Variants in ELOVL6 observed in about 807,000 individuals in gnomAD.
ELOVL6 encodes the protein very long chain fatty acid elongase 6.
Under a neutral mutation model 31.7 loss-of-function variants are expected in ELOVL6, and 8 were observed. The observed-to-expected ratio is 0.25, with a 90% CI of 0.15 to 0.45. The LOEUF is 0.45. Ranked by LOEUF, ELOVL6 falls within the 20% of genes least tolerant of loss-of-function variation. The probability of loss-of-function intolerance (pLI) is 1.00; values close to 1 mark genes in which losing one functional copy is unlikely to be tolerated. For missense variants in ELOVL6, 126 were observed against 326.4 expected (o/e 0.39, Z 4.73); for synonymous variants, 101 against 117.7 (o/e 0.86, Z 0.92).
chr4:110,084,120 A>ATATATCATATATATC (rs1491405140), intron 2 of ELOVL6, among the ~76,000 whole-genome samples: 6 of 83,128 alleles, frequency 7.2e-5, no homozygotes, highest in Admixed American at 1.5e-4. Flanking sequence ...TGATATATAT[A>ATATATCATATATATC]ACATATATGT....
rs1168880044 is a variant in ELOVL6 at position 110,084,588 on chromosome 4, A to AT, written c.221+20908dup. ...GATATATATATATATATATATATAT[A>AT]TTTTTTTTTTTTTTTTTTTTTTTTG... On this transcript the variant is annotated intron_variant, in intron 2 of 3. Coordinates refer to ENST00000302274, the MANE Select transcript of ELOVL6 (RefSeq NM_024090.3). Among the ~76,000 whole-genome samples, 270 of 29,652 alleles carry AT rather than the reference A, an allele frequency of 9.1e-3. 10 individuals are homozygous for AT. The highest frequency in any genetic ancestry group is 0.011 in the Non-Finnish European group (214 of 18,990). 19.5% of individuals were successfully genotyped at this position (29,652 alleles called of 152,430 possible).
intron 1 of ELOVL6, among the ~76,000 whole-genome samples, chr4:110,135,118 G>A (rs539812620): frequency 1.3e-5 from 2 of 152,252 alleles, no homozygotes; most frequent in African/African-American, 4.8e-5. Flanking sequence ...TGTATAACTG[G>A]TTGACGATAA....
chr4:110,101,366 T>C (rs1419934469), intron 2 of ELOVL6, among the ~76,000 whole-genome samples: 1 of 151,860 alleles, frequency 6.6e-6, no homozygotes, highest in Non-Finnish European at 1.5e-5. Flanking sequence ...GATGAATGTT[T>C]TATATCAACT....
chr4:110,089,726 TTTC>T (rs1314088664), intron 2 of ELOVL6, among the ~76,000 whole-genome samples: 12 of 152,158 alleles, frequency 7.9e-5, no homozygotes, highest in African/African-American at 2.9e-4. Context: ...TGGGCCAACT[TTTC>T]TTCTTGTCAA....
At chr4:110,167,252 A>G (rs141516640) in intron 1 of ELOVL6, among the ~76,000 whole-genome samples, 171 of 152,362 alleles carry the variant, frequency 1.1e-3, no homozygotes, top group African/African-American at 3.7e-3. Context: ...AATCGCTATT[A>G]GAGTATTTTT....
chr4:110,131,030 A>C (rs927178875), intron 1 of ELOVL6, among the ~76,000 whole-genome samples: 1 of 152,174 alleles, frequency 6.6e-6, no homozygotes, highest in African/African-American at 2.4e-5. Context: ...AATATAAGAG[A>C]ATTTTTTACA....
chr4:110,058,292 G>A (rs559847865), intron 3 of ELOVL6, among the ~76,000 whole-genome samples: 24 of 152,324 alleles, frequency 1.6e-4, no homozygotes, highest in African/African-American at 4.3e-4. Flanking sequence ...CTGTTGGAGG[G>A]GGGGAGCGGT....
chr4:110,072,087 G>A (rs932609681), intron 2 of ELOVL6, among the ~76,000 whole-genome samples: 7 of 152,196 alleles, frequency 4.6e-5, no homozygotes, highest in Admixed American at 2.0e-4. Flanking sequence ...ACTGACAGCC[G>A]TCAACTTGCT....
intron 1 of ELOVL6, among the ~76,000 whole-genome samples, chr4:110,193,481 T>C (rs1759684180): frequency 6.6e-6 from 1 of 152,110 alleles, no homozygotes; most frequent in East Asian, 1.9e-4. Context: ...GGCAGGCACC[T>C]GTAATCCCAG....
At chr4:110,147,780 G>GACACAC (rs58644594) in intron 1 of ELOVL6, among the ~76,000 whole-genome samples, 6,706 of 142,648 alleles carry the variant, frequency 0.047, 189 homozygotes, top group East Asian at 0.076. Context: ...GACAGAGCAG[G>GACACAC]ACACACACAC....
At chr4:110,069,165 A>G (rs1244070945) in intron 2 of ELOVL6, among the ~76,000 whole-genome samples, 3 of 142,598 alleles carry the variant, frequency 2.1e-5, no homozygotes, top group Non-Finnish European at 4.5e-5. Context: ...TAATAATAAT[A>G]ATAATAGGGA....
chr4:110,071,449 A>C (rs1229433983), intron 2 of ELOVL6, among the ~76,000 whole-genome samples: 1 of 152,152 alleles, frequency 6.6e-6, no homozygotes, highest in African/African-American at 2.4e-5. Context: ...AGTTATTTTT[A>C]CTGGAGCAAG....
rs79688348 is a variant in ELOVL6 at position 110,067,859 on chromosome 4, C to T, written c.222-8105G>A. Among the ~76,000 whole-genome samples, 533 of 152,202 alleles carry T rather than the reference C, an allele frequency of 3.5e-3. 2 individuals carry two copies. The highest frequency in any genetic ancestry group is 0.012 in the African/African-American group (508 of 41,526). On this transcript the variant is annotated intron_variant, in intron 2 of 3. Transcript: ENST00000302274. ...GCTATTAGAAAACCAACTTTAAATC[C>T]TCATTTCTAATATTTATGTCTTTCA...
chr4:110,060,789 T>G (rs1200000131), intron 2 of ELOVL6, among the ~76,000 whole-genome samples: 1 of 152,168 alleles, frequency 6.6e-6, no homozygotes, highest in South Asian at 2.1e-4. Flanking sequence ...AGCATCTTAC[T>G]CTAGAAGTCA....
intron 2 of ELOVL6, among the ~76,000 whole-genome samples, chr4:110,101,084 G>A (rs1186713430): frequency 2.0e-5 from 3 of 152,174 alleles, no homozygotes; most frequent in Non-Finnish European, 4.4e-5. Context: ...CTGTAGTCCA[G>A]GCTGGAGTGC....
chr4:110,099,522 C>A (rs1179227170), intron 2 of ELOVL6, among the ~76,000 whole-genome samples: 2 of 152,012 alleles, frequency 1.3e-5, no homozygotes, highest in African/African-American at 2.4e-5. Flanking sequence ...ACAATTGAGG[C>A]CAGAGTAATC....
intron 1 of ELOVL6, among the ~76,000 whole-genome samples, chr4:110,123,144 T>G (rs933151819): frequency 6.6e-6 from 1 of 152,234 alleles, no homozygotes; most frequent in Non-Finnish European, 1.5e-5. Flanking sequence ...TTAAATCTTG[T>G]GTTTTGGACA....
chr4:110,082,715 G>A (rs79545504), intron 2 of ELOVL6, among the ~76,000 whole-genome samples: 4,606 of 152,150 alleles, frequency 0.03, 109 homozygotes, highest in East Asian at 0.11. Context: ...TGCACATTGT[G>A]CACATGTACC....
chr4:110,172,507 G>A (rs1758982873), intron 1 of ELOVL6, among the ~76,000 whole-genome samples: 1 of 152,150 alleles, frequency 6.6e-6, no homozygotes, highest in South Asian at 2.1e-4. Flanking sequence ...AGCAAGTAAT[G>A]AGAATTGCCT....
Sources: gnomAD v4.1 joint callset for allele counts (sites outside exome capture counted in the v4.1 genomes callset) on GRCh38, gnomAD v4.1.1 for gene constraint, MANE v1.5 for transcripts, NCBI Gene and HGNC (gene_info 2026-07-23, HGNC 2026-07-21) for gene names.